Variants in MAP4 observed in about 807,000 individuals in gnomAD.
The protein encoded by MAP4 is microtubule associated protein 4, also known as microtubule-associated protein 4.
MAP4 carries 76 observed loss-of-function variants against 170.2 expected under a neutral mutation model. That is an observed-to-expected ratio of 0.45 (90% CI 0.37 to 0.54). The LOEUF (loss-of-function observed/expected upper bound fraction) is 0.54. Ranked by LOEUF, MAP4 falls within the 20% of genes least tolerant of loss-of-function variation. The pLI, the probability that MAP4 is intolerant of heterozygous loss-of-function variation, is 0.00. For synonymous variants in MAP4, 909 were observed against 994.5 expected, an observed-to-expected ratio of 0.91 and a Z score of 1.62; for missense variants, 2,506 against 2,748.0, an observed-to-expected ratio of 0.91 and a Z score of 1.97.
chr3:47,924,291 C>T lies in MAP4; in HGVS notation c.416-2413G>A, dbSNP rs922724868. ...TTATGAGGAGGAAGACAAACCTTTT[C>T]TCTCTCTACATTCCCTCTCCTCTAA... On this transcript the variant is annotated intron_variant, in intron 4 of 20. Transcript: ENST00000683076. Among the ~76,000 whole-genome samples, 3 of 152,208 alleles carry T rather than the reference C, an allele frequency of 2.0e-5. No homozygotes were observed. The South Asian group carries it at 6.2e-4, about 32-fold the overall frequency.
intron 3 of MAP4, among the ~76,000 whole-genome samples, chr3:47,944,235 G>A (rs1424874471): frequency 1.3e-5 from 2 of 151,980 alleles, no homozygotes; most frequent in Non-Finnish European, 2.9e-5. Flanking sequence ...GCTTGAACCT[G>A]GGAGGCGGAG....
At chr3:47,857,547 G>C in intron 17 of MAP4, 35 bp from the exon 18 acceptor site, 1 of 1,470,692 alleles carries the variant, frequency 6.8e-7, no homozygotes, top group Non-Finnish European at 9.5e-7. Flanking sequence ...CATTCAGAGA[G>C]AAGGTATACT....
At chr3:47,879,647 T>C (rs140044888) in intron 10 of MAP4, among the ~76,000 whole-genome samples, 5 of 151,768 alleles carry the variant, frequency 3.3e-5, no homozygotes, top group Non-Finnish European at 7.4e-5. Context: ...TGTAGTGCTA[T>C]GCAACTTTAT....
At chr3:47,895,365 C>T (rs1181897274) in intron 10 of MAP4, among the ~76,000 whole-genome samples, 3 of 152,198 alleles carry the variant, frequency 2.0e-5, no homozygotes, top group African/African-American at 7.2e-5. Context: ...TTACCACTTT[C>T]ACTTCTGAAG....
At chr3:47,961,625 C>T (rs745651458) in intron 3 of MAP4, among the ~76,000 whole-genome samples, 1 of 152,164 alleles carries the variant, frequency 6.6e-6, no homozygotes, top group Non-Finnish European at 1.5e-5. Context: ...ATAATGTAAA[C>T]ATTTCTTCCT....
At chr3:47,951,768 C>T (rs1490820417) in intron 3 of MAP4, among the ~76,000 whole-genome samples, 1 of 152,176 alleles carries the variant, frequency 6.6e-6, no homozygotes, top group Non-Finnish European at 1.5e-5. Flanking sequence ...TGCCCGGCAG[C>T]CACCCCGTCT....
chr3:47,873,132 G>C (rs576876974), intron 12 of MAP4, among the ~76,000 whole-genome samples: 1 of 152,346 alleles, frequency 6.6e-6, no homozygotes, highest in African/African-American at 2.4e-5. Context: ...TCTCAGCACA[G>C]AGACGATGAG....
At chr3:48,031,900 C>T (rs2100116334) in intron 1 of MAP4, among the ~76,000 whole-genome samples, 1 of 151,104 alleles carries the variant, frequency 6.6e-6, no homozygotes, top group South Asian at 2.3e-4. Context: ...CATACACACA[C>T]ACACACACAC....
chr3:47,919,799 CAACAT>C (rs1204138022), intron 5 of MAP4, among the ~76,000 whole-genome samples: 7 of 152,028 alleles, frequency 4.6e-5, no homozygotes, highest in South Asian at 4.2e-4. Flanking sequence ...ACACCACAAC[CAACAT>C]AATATACTAT....
At chr3:47,862,733 T>C (rs1371541666) in intron 17 of MAP4, among the ~76,000 whole-genome samples, 3 of 152,174 alleles carry the variant, frequency 2.0e-5, no homozygotes, top group Non-Finnish European at 2.9e-5. Flanking sequence ...TGCCTCAGCC[T>C]CCCAAATTGC....
Position 47,918,774 on chromosome 3 carries a change from G to C in MAP4, c.597C>G (p.His199Gln). The C allele has an allele frequency of 1.2e-6, 2 of 1,610,068 alleles. No homozygotes were observed. Among genetic ancestry groups the C allele is most frequent in the Non-Finnish European group, 1.7e-6 (2 of 1,176,302 alleles). ...GWSVEALNSP[H>Q]SESFVSPEAV... Reference sequence around the variant, plus strand: ...CCTCTGGGGAAACAAAGGACTCTGAGTGTGGAGAGTTTAAGGCTTCCACAG... The same window carrying C: ...CCTCTGGGGAAACAAAGGACTCTGACTGTGGAGAGTTTAAGGCTTCCACAG... Residue 199 changes from histidine to glutamine, a missense_variant, in exon 6 of 21, where the codon CAC becomes CAG. By Grantham distance (24) the His-to-Gln change is conservative. Around this residue, in one of 3 missense-constraint regions of MAP4, gnomAD observed 2,008 missense variants for 2,206.0 expected, o/e 0.91. Transcript: ENST00000683076.
intron 17 of MAP4, among the ~76,000 whole-genome samples, chr3:47,858,008 C>A (rs1289210228): frequency 6.7e-6 from 1 of 149,948 alleles, no homozygotes; most frequent in South Asian, 2.1e-4. Context: ...TGAGCCACCA[C>A]GCCTGGCCTT....
At chr3:48,063,821 T>G (rs765578466) in intron 1 of MAP4, among the ~76,000 whole-genome samples, 1 of 152,198 alleles carries the variant, frequency 6.6e-6, no homozygotes, top group Non-Finnish European at 1.5e-5. Context: ...AGAAAGATAT[T>G]AGTGGTTACA....
At chr3:47,939,302 A>T (rs2100054880) in intron 3 of MAP4, among the ~76,000 whole-genome samples, 1 of 151,590 alleles carries the variant, frequency 6.6e-6, no homozygotes, top group Non-Finnish European at 1.5e-5. Flanking sequence ...AAAGCCTTTA[A>T]GTATTCTATT....
In MAP4 at chr3:47,852,693, G is replaced by A. The variant is rs2044887082; in HGVS notation, c.*241C>T. On this transcript the variant is annotated 3_prime_UTR_variant, in exon 21 of 21. Coordinates refer to ENST00000683076, the MANE Select transcript of MAP4 (RefSeq NM_001385682.1). ...GATGGGCCCAGGCTGGGGAGTGAGA[G>A]GAGGTGTGGGGCAGGGCTGCTGCTG... The A allele has an allele frequency of 7.0e-7, 1 of 1,438,672 alleles. No individual in the cohort carries two copies. Among genetic ancestry groups the A allele is most frequent in the South Asian group, 1.3e-5 (1 of 74,784 alleles). 89.1% of individuals were successfully genotyped at this position (1,438,672 alleles called of 1,614,324 possible).
At chr3:47,987,721 C>A (rs1197500456) in intron 2 of MAP4, among the ~76,000 whole-genome samples, 1 of 152,204 alleles carries the variant, frequency 6.6e-6, no homozygotes, top group Non-Finnish European at 1.5e-5. Context: ...GCAATTCTTT[C>A]CTTTCAGTTG....
intron 3 of MAP4, among the ~76,000 whole-genome samples, chr3:47,966,227 C>CTTT (rs1559629514): frequency 1.2e-5 from 1 of 83,160 alleles, no homozygotes; most frequent in Non-Finnish European, 2.5e-5. Flanking sequence ...GCCCACACTA[C>CTTT]CTTTTTTTTT....
chr3:47,987,269 A>G, intron 2 of MAP4: 1 of 703,216 alleles, frequency 1.4e-6, no homozygotes, highest in Non-Finnish European at 2.1e-6. Flanking sequence ...CAGTAAACAA[A>G]ATATTATTCC....
At chr3:47,937,261 A>T (rs1349159035) in intron 3 of MAP4, among the ~76,000 whole-genome samples, 1 of 152,194 alleles carries the variant, frequency 6.6e-6, no homozygotes, top group Non-Finnish European at 1.5e-5. Context: ...CAGATGAAAT[A>T]CTTGGTCATT....
Sources: allele counts gnomAD v4.1 joint callset (sites outside exome capture counted in the v4.1 genomes callset), GRCh38; gene constraint gnomAD v4.1.1; regional missense constraint gnomAD v4.1.1; transcripts MANE v1.5; gene names NCBI Gene and HGNC (gene_info 2026-07-23, HGNC 2026-07-21).